PAPPA: variants seen among roughly 807,000 people sequenced by gnomAD.
PAPPA encodes pappalysin-1.
Under a neutral mutation model 164.0 loss-of-function variants are expected in PAPPA, and 60 were observed. The ratio of observed to expected loss-of-function variants is 0.37; its 90% CI spans 0.30 to 0.45. The LOEUF is 0.45. PAPPA is among the 20% of genes least tolerant of loss of function. PAPPA has a pLI of 1.00. For missense variants in PAPPA, 1,782 were observed against 2,087.3 expected (o/e 0.85, Z 2.85); for synonymous variants, 875 against 814.1 (o/e 1.07, Z -1.27).
intron 8 of PAPPA, 46 bp downstream of exon 8, chr9:116,266,031 G>C: frequency 6.5e-7 from 1 of 1,539,840 alleles, no homozygotes; most frequent in Non-Finnish European, 8.9e-7. Context: ...TGCTGGTTAG[G>C]TCAAGAGATG....
chr9:116,340,128 A>AT (rs1564232559), intron 13 of PAPPA, among the ~76,000 whole-genome samples: 1 of 151,946 alleles, frequency 6.6e-6, no homozygotes, highest in Non-Finnish European at 1.5e-5. Flanking sequence ...AAGTGTCTTC[A>AT]TTTTTTTCCT....
At chr9:116,319,716 C>T (rs58051769) in intron 10 of PAPPA, among the ~76,000 whole-genome samples, 21,238 of 152,176 alleles carry the variant, frequency 0.14, 1,744 homozygotes, top group African/African-American at 0.21. Flanking sequence ...GGAGATAGAA[C>T]TGAAGTAACA....
At chr9:116,219,743 C>T (rs1396638950) in intron 4 of PAPPA, among the ~76,000 whole-genome samples, 194 bp from the exon 5 acceptor site, 3 of 152,176 alleles carry the variant, frequency 2.0e-5, no homozygotes, top group East Asian at 1.9e-4. Context: ...TTTCCTCTCA[C>T]CTGTCTCCAG....
At chr9:116,374,483 A>T (rs1248547673) in intron 19 of PAPPA, among the ~76,000 whole-genome samples, 1 of 152,180 alleles carries the variant, frequency 6.6e-6, no homozygotes, top group African/African-American at 2.4e-5. Flanking sequence ...TAGCACACAG[A>T]GGGGTCCTGT....
chr9:116,239,434 G>A (rs1355877586), intron 7 of PAPPA, among the ~76,000 whole-genome samples: 1 of 152,088 alleles, frequency 6.6e-6, no homozygotes, highest in African/African-American at 2.4e-5. Context: ...CCTTCTCTAT[G>A]GGTAGACATA....
At chr9:116,282,800 G>A (rs1276424203) in intron 9 of PAPPA, among the ~76,000 whole-genome samples, 6 of 152,166 alleles carry the variant, frequency 3.9e-5, no homozygotes, top group Non-Finnish European at 8.8e-5. Context: ...GGAAGCTAAA[G>A]AAATCTTCAC....
rs1044840518 is a variant in PAPPA at position 116,399,802 on chromosome 9, T to C, written c.*3186T>C. 1 of 152,628 alleles carries C rather than the reference T, an allele frequency of 6.6e-6. No individual in the cohort carries two copies. Among genetic ancestry groups the C allele is most frequent in the African/African-American group, 2.4e-5 (1 of 41,436 alleles). The allele number at this position is 152,628 out of a possible 1,614,324, so 9.5% of individuals were successfully genotyped here. A position where few individuals can be genotyped will look rare whatever the true frequency, so the allele number is the denominator to read the frequency against. ...GGAAGGGAAAGATTGTCATAGATGG[T>C]AGGGCTTTGAAAATGCAGGGTATCA... On this transcript the variant is annotated 3_prime_UTR_variant, in exon 22 of 22. Transcript: ENST00000328252.
chr9:116,226,497 A>G (rs1341804131), intron 5 of PAPPA, among the ~76,000 whole-genome samples: 1 of 152,204 alleles, frequency 6.6e-6, no homozygotes, highest in Non-Finnish European at 1.5e-5. Context: ...TATCATCAGG[A>G]CCATTGCACT....
At position 116,227,411 on chromosome 9, in the gene PAPPA, C is replaced by G; in HGVS notation, c.2112-20C>G. On this transcript the variant is annotated intron_variant, in intron 5 of 21. Transcript: ENST00000328252. ...CTGTTCCTAAGTCGGTGCATTTTCC[C>G]TCTTTCCTTGGCCTCCTAGAGAATT... is the stretch of plus-strand genomic sequence containing the variant. 6.2e-7 allele frequency: 1 copy of G among 1,613,688 alleles called. No individual in the cohort carries two copies. The highest frequency in any genetic ancestry group is 8.5e-7 in the Non-Finnish European group (1 of 1,179,704).
At chr9:116,345,763 T>A (rs1846199552) in intron 14 of PAPPA, among the ~76,000 whole-genome samples, 1 of 152,076 alleles carries the variant, frequency 6.6e-6, no homozygotes, top group African/African-American at 2.4e-5. Context: ...CTGCGTGAGA[T>A]TGGTGGTAGT....
intron 7 of PAPPA, among the ~76,000 whole-genome samples, chr9:116,256,707 A>C (rs1844931922): frequency 6.6e-6 from 1 of 150,792 alleles, no homozygotes; most frequent in South Asian, 2.1e-4. Flanking sequence ...AAAATATATA[A>C]GTCAATGACT....
chr9:116,373,674 C>CTTTGAA (rs1846606334), intron 19 of PAPPA: 2 of 152,046 alleles, frequency 1.3e-5, no homozygotes, highest in Non-Finnish European at 2.9e-5. Flanking sequence ...GGCCTCTCCA[C>CTTTGAA]CTTTCTGAAC....
chr9:116,290,229 C>T (rs547606303), intron 9 of PAPPA, among the ~76,000 whole-genome samples: 25 of 152,196 alleles, frequency 1.6e-4, no homozygotes, highest in African/African-American at 5.8e-4. Context: ...AAGTTAGCAA[C>T]AGAGTTGAGG....
In PAPPA at chr9:116,293,812, C is replaced by T. The variant is rs545142060; in HGVS notation, c.2954-8945C>T. Among the ~76,000 whole-genome samples, 8 of 152,066 alleles carry T rather than the reference C, an allele frequency of 5.3e-5. No individual in the cohort carries two copies. The South Asian group carries it at 1.5e-3, about 28-fold the overall frequency. On this transcript the variant is annotated intron_variant, in intron 9 of 21. Transcript: ENST00000328252. ...TCTATTCAAAATACAAAAAATTCGC[C>T]GGCTTGGTGGCGCATTCCTGTAATC...
At chr9:116,372,726 C>T (rs77417975) in intron 19 of PAPPA, among the ~76,000 whole-genome samples, 2 of 151,618 alleles carry the variant, frequency 1.3e-5, no homozygotes, top group East Asian at 1.9e-4. Flanking sequence ...AAATGGGAGG[C>T]GGAAAGAGAG....
intron 9 of PAPPA, among the ~76,000 whole-genome samples, chr9:116,294,122 A>G (rs1201238939): frequency 6.6e-6 from 1 of 152,138 alleles, no homozygotes; most frequent in African/African-American, 2.4e-5. Context: ...GCTGTGCTAT[A>G]GGTGCCTTCC....
chr9:116,372,862 G>A (rs984268023), intron 19 of PAPPA, among the ~76,000 whole-genome samples: 3 of 152,146 alleles, frequency 2.0e-5, no homozygotes, highest in Admixed American at 1.3e-4. Context: ...TCCCCAGTGA[G>A]GTAAGGATTA....
chr9:116,326,505 A>G (rs2118938241), intron 10 of PAPPA, among the ~76,000 whole-genome samples: 1 of 152,326 alleles, frequency 6.6e-6, no homozygotes, highest in South Asian at 2.1e-4. Flanking sequence ...AAAGAGTCAA[A>G]TACATTCAGG....
chr9:116,197,435 A>AT (rs1444658136), intron 2 of PAPPA, among the ~76,000 whole-genome samples: 1 of 152,188 alleles, frequency 6.6e-6, no homozygotes, highest in Non-Finnish European at 1.5e-5. Flanking sequence ...AATCCTACTC[A>AT]TATTTCTCAA....
Sources: allele counts gnomAD v4.1 joint callset (sites outside exome capture counted in the v4.1 genomes callset), GRCh38; gene constraint gnomAD v4.1.1; transcripts MANE v1.5; gene names NCBI Gene and HGNC (gene_info 2026-07-23, HGNC 2026-07-21).